The following CLDN16 variants were observed in gnomAD, a reference collection of about 807,000 sequenced individuals.
The protein encoded by CLDN16 is claudin 16, also known as claudin-16.
In CLDN16, 13 loss-of-function variants were observed where a neutral mutation model predicts 24.6. The ratio of observed to expected loss-of-function variants is 0.53; its 90% CI spans 0.34 to 0.84. The LOEUF (loss-of-function observed/expected upper bound fraction) is 0.84. CLDN16 is among the 40% of genes least tolerant of loss of function. The probability of loss-of-function intolerance (pLI) is 0.01; values close to 1 mark genes in which losing one functional copy is unlikely to be tolerated. For synonymous variants in CLDN16, 116 were observed against 106.7 expected, an observed-to-expected ratio of 1.09 and a Z score of -0.54; for missense variants, 298 against 292.7, an observed-to-expected ratio of 1.02 and a Z score of -0.13.
chr3:190,410,102 G>A lies in CLDN16; in HGVS notation c.*66G>A, dbSNP rs1364319377. ...TCAGTATGGTTACATTGATAAAATA[G>A]TAAGTCAATCCAGGAACAGTTATTT... On this transcript the variant is annotated 3_prime_UTR_variant, in exon 5 of 5. Transcript: ENST00000264734. 6 of 1,535,624 alleles carry A rather than the reference G, an allele frequency of 3.9e-6. No homozygotes were observed. The highest frequency in any genetic ancestry group is 1.7e-5 in the Admixed American group (1 of 59,884).
the CLDN16 span, among the ~76,000 whole-genome samples, chr3:190,311,816 A>C: frequency 1.4e-4 from 21 of 151,824 alleles, no homozygotes; most frequent in Non-Finnish European, 2.8e-4. Flanking sequence ...TACATACACT[A>C]TAATTTTTTA....
At chr3:190,302,817 T>C in the CLDN16 span, among the ~76,000 whole-genome samples, 3 of 150,256 alleles carry the variant, frequency 2.0e-5, no homozygotes, top group Non-Finnish European at 3.0e-5. Flanking sequence ...ACAATCAATC[T>C]ATGTTTAGAA....
intron 3 of CLDN16, among the ~76,000 whole-genome samples, chr3:190,378,083 G>A (rs1718282675): frequency 2.0e-5 from 3 of 151,900 alleles, no homozygotes; most frequent in Admixed American, 1.3e-4. Flanking sequence ...TGGAAAAACT[G>A]GGATAAGTTA....
At chr3:190,351,284 T>TAC (rs1717667509) in intron 1 of CLDN16, among the ~76,000 whole-genome samples, 2 of 152,178 alleles carry the variant, frequency 1.3e-5, no homozygotes, top group South Asian at 4.1e-4. Context: ...ATGAATTACT[T>TAC]AGTCTCCGGT....
intron 2 of CLDN16, among the ~76,000 whole-genome samples, chr3:190,373,448 C>A (rs1272188667): frequency 2.6e-5 from 4 of 151,892 alleles, no homozygotes; most frequent in Admixed American, 2.6e-4. Flanking sequence ...TACATTTGTT[C>A]TCTGATTCTC....
the CLDN16 span, among the ~76,000 whole-genome samples, chr3:190,299,739 T>C: frequency 2.0e-5 from 3 of 152,216 alleles, no homozygotes; most frequent in Non-Finnish European, 4.4e-5. Context: ...CCATACATGC[T>C]TAGGTCTATT....
chr3:190,342,388 A>C (rs563074719), intron 1 of CLDN16, among the ~76,000 whole-genome samples: 267 of 152,332 alleles, frequency 1.8e-3, no homozygotes, highest in African/African-American at 6.1e-3. Context: ...TATAAAATCA[A>C]CATACAAAAA....
intron 1 of CLDN16, among the ~76,000 whole-genome samples, chr3:190,331,888 C>T (rs922315587): frequency 3.3e-5 from 5 of 152,176 alleles, no homozygotes; most frequent in Admixed American, 6.5e-5. Context: ...ATTCCTTGTC[C>T]TGGTACATTC....
chr3:190,407,534 G>C (rs977167083), intron 3 of CLDN16, among the ~76,000 whole-genome samples: 1 of 152,124 alleles, frequency 6.6e-6, no homozygotes, highest in Admixed American at 6.6e-5. Flanking sequence ...TCAGTGTTTT[G>C]TCCTCCAACT....
intron 1 of CLDN16, among the ~76,000 whole-genome samples, chr3:190,336,125 A>T (rs527533342): frequency 6.6e-6 from 1 of 152,260 alleles, no homozygotes; most frequent in East Asian, 1.9e-4. Flanking sequence ...AAAAATGACT[A>T]ATCATTAATT....
the CLDN16 span, among the ~76,000 whole-genome samples, chr3:190,316,168 G>C: frequency 6.6e-6 from 1 of 152,092 alleles, no homozygotes. Flanking sequence ...AAAAGTAATG[G>C]AGAAAATGGA....
rs2108521724 is a variant in CLDN16 at position 190,410,338 on chromosome 3, T to C, written c.*302T>C. On this transcript the variant is annotated 3_prime_UTR_variant, in exon 5 of 5. Transcript: ENST00000264734. ...TATATAGCTATTAGAGATTATGACA[T>C]AGTAATATTAAAATGAAATGATACT... 3.7e-6 allele frequency: 1 copy of C among 269,134 alleles called. No homozygotes were observed. Among genetic ancestry groups the C allele is most frequent in the East Asian group, 8.1e-5 (1 of 12,412 alleles). The allele number at this position is 269,134 out of a possible 1,614,324, so 16.7% of individuals were successfully genotyped here.
chr3:190,311,267 G>A, the CLDN16 span, among the ~76,000 whole-genome samples: 242 of 152,308 alleles, frequency 1.6e-3, no homozygotes, highest in Non-Finnish European at 1.3e-3. Flanking sequence ...CATCCTCATC[G>A]TCTTCCAAGC....
At chr3:190,326,195 T>C (rs1481995781) in intron 1 of CLDN16, among the ~76,000 whole-genome samples, 2 of 152,198 alleles carry the variant, frequency 1.3e-5, no homozygotes, top group East Asian at 3.9e-4. Context: ...TTATTTAAAA[T>C]AGTAGCTGGT....
intron 1 of CLDN16, among the ~76,000 whole-genome samples, chr3:190,331,602 C>T (rs1717181324): frequency 2.0e-5 from 3 of 152,160 alleles, no homozygotes; most frequent in South Asian, 4.1e-4. Context: ...CATTCTGCCA[C>T]CTCACGTACT....
intron 3 of CLDN16, among the ~76,000 whole-genome samples, chr3:190,375,618 A>G (rs1718229088): frequency 6.6e-6 from 1 of 151,974 alleles, no homozygotes; most frequent in South Asian, 2.1e-4. Context: ...GTAAAACCAG[A>G]TATTCATTAA....
chr3:190,388,486 A>G lies in CLDN16; in HGVS notation c.114+43A>G. ...TCTTTTCATGATCCAGGCCAGCCCA[A>G]ATTTTCGCTAAGTCCCAACTGCCAT... On this transcript the variant is annotated intron_variant, in intron 1 of 4. Coordinates refer to ENST00000264734, the MANE Select transcript of CLDN16 (RefSeq NM_006580.4). The G allele has an allele frequency of 1.9e-6, 3 of 1,568,596 alleles. No homozygotes were observed. In the South Asian group the frequency reaches 3.3e-5, roughly 17 times the overall value.
chr3:190,346,521 C>T (rs1717553347), intron 1 of CLDN16, among the ~76,000 whole-genome samples: 1 of 152,160 alleles, frequency 6.6e-6, no homozygotes, highest in African/African-American at 2.4e-5. Flanking sequence ...CAAAACTGTA[C>T]ATTCTTTATG....
At chr3:190,327,501 T>A (rs1322570268) in intron 1 of CLDN16, among the ~76,000 whole-genome samples, 1 of 152,182 alleles carries the variant, frequency 6.6e-6, no homozygotes, top group South Asian at 2.1e-4. Context: ...AGCCACTGAA[T>A]TAGATAACTA....
Sources: allele counts gnomAD v4.1 joint callset (sites outside exome capture counted in the v4.1 genomes callset), GRCh38; gene constraint gnomAD v4.1.1; transcripts MANE v1.5; gene names NCBI Gene and HGNC (gene_info 2026-07-23, HGNC 2026-07-21).